The following HS6ST2 variants were observed in gnomAD, a reference collection of about 807,000 sequenced individuals.
HS6ST2 encodes heparan-sulfate 6-O-sulfotransferase 2.
A neutral mutation model predicts 33.0 loss-of-function variants in HS6ST2; 17 were observed. The ratio of observed to expected loss-of-function variants is 0.52; its 90% confidence interval spans 0.35 to 0.77. The LOEUF (loss-of-function observed/expected upper bound fraction) is 0.77, where lower values mean the gene tolerates loss of function less well. Ranked by LOEUF, HS6ST2 falls within the 30% of genes least tolerant of loss-of-function variation. The pLI, the probability that HS6ST2 is intolerant of heterozygous loss-of-function variation, is 0.01. For missense variants in HS6ST2, 519 were observed against 551.7 expected (o/e 0.94, Z 0.59); for synonymous variants, 248 against 237.1 (o/e 1.05, Z -0.42).
intron 4 of HS6ST2, among the ~76,000 whole-genome samples, chrX:132,665,480 T>C (rs1460237425): frequency 7.2e-5 from 8 of 111,697 alleles, no homozygotes. Context: ...ATGTAAAGTA[T>C]GAAAATGTTC....
intron 3 of HS6ST2, among the ~76,000 whole-genome samples, chrX:132,678,922 C>G (rs961944357): frequency 8.9e-6 from 1 of 112,304 alleles, no homozygotes; most frequent in Non-Finnish European, 1.9e-5. Flanking sequence ...TGGTTAAACC[C>G]AAGATGCTTA....
chrX:132,702,302 C>T (rs999726265), intron 3 of HS6ST2, among the ~76,000 whole-genome samples: 5 of 112,472 alleles, frequency 4.4e-5, no homozygotes, highest in South Asian at 7.3e-4. Context: ...TTAATGCTTG[C>T]GTTTTTCTTT....
rs2063823612 is a variant in HS6ST2, at chrX:132,668,102, T to TA, written c.1067+1010_1067+1011insT. On this transcript the variant is annotated intron_variant, in intron 4 of 4. Transcript: ENST00000370833. ...CCAGTAGATCTTTCACTTTGGGAATTGAATATAAGATCATATTCAAAGTGC... is the reference window on the plus strand; with the variant it reads ...CCAGTAGATCTTTCACTTTGGGAATTAGAATATAAGATCATATTCAAAGTGC... 2.7e-5 allele frequency among the ~76,000 whole-genome samples: 3 copies of TA among 112,280 alleles called. No homozygotes were observed. In the South Asian group the frequency reaches 1.1e-3, roughly 42 times the overall value.
At chrX:132,786,822 A>G (rs1479105661) in intron 2 of HS6ST2, among the ~76,000 whole-genome samples, 1 of 108,294 alleles carries the variant, frequency 9.2e-6, no homozygotes, top group East Asian at 2.9e-4. Context: ...AGGTTTCACC[A>G]TGTTGGTCAG....
chrX:132,634,202 C>T (rs1472344037), intron 4 of HS6ST2, among the ~76,000 whole-genome samples: 1 of 112,065 alleles, frequency 8.9e-6, no homozygotes, highest in Admixed American at 9.4e-5. Context: ...TGCCTGGATT[C>T]AGGCATTGAT....
chrX:132,787,658 G>A (rs1347929136), intron 2 of HS6ST2, among the ~76,000 whole-genome samples: 1 of 106,741 alleles, frequency 9.4e-6, no homozygotes, highest in Admixed American at 1.0e-4. Flanking sequence ...GGGAGGCCGA[G>A]GCAGGTGGAT....
chrX:132,628,702 T>C lies in HS6ST2; in HGVS notation c.1459A>G (p.Thr487Ala), dbSNP rs1220366102. 2 of 1,210,953 alleles carry C rather than the reference T, an allele frequency of 1.7e-6. No homozygotes were observed. Among genetic ancestry groups the C allele is most frequent in the African/African-American group, 1.7e-5 (1 of 57,550 alleles). ...QRKTQYLFEK[T>A]FNMNFISPFT... The stretch of plus-strand genomic sequence containing the variant: ...GGCGAAATAAAGTTCATGTTGAAGG[T>C]TTTCTCAAACAGATATTGGGTCTTC... Residue 487 changes from threonine (T) to alanine (A), a missense_variant, in exon 5 of 5, where the codon ACC (threonine) becomes GCC (alanine). Thr to Ala is a moderately conservative substitution (Grantham distance 58). Coordinates refer to ENST00000370833, the MANE Select transcript of HS6ST2 (RefSeq NM_001394073.1).
At chrX:132,959,748 A>G (rs1262666864), upstream of HS6ST2, among the ~76,000 whole-genome samples, 2 of 112,311 alleles carry the variant, frequency 1.8e-5, no homozygotes, top group African/African-American at 6.5e-5. Flanking sequence ...GATAGGACCA[A>G]TTATGTCCCC....
At chrX:132,724,431 T>C (rs1191207504) in intron 2 of HS6ST2, among the ~76,000 whole-genome samples, 1 of 111,217 alleles carries the variant, frequency 9.0e-6, no homozygotes, top group African/African-American at 3.3e-5. Context: ...TAATCAAATA[T>C]CTAGGAATCA....
intron 2 of HS6ST2, among the ~76,000 whole-genome samples, chrX:132,831,816 C>G (rs1238686813): frequency 8.9e-6 from 1 of 112,095 alleles, no homozygotes; most frequent in Non-Finnish European, 1.9e-5. Flanking sequence ...CAAAGTAGAA[C>G]AAGGCAGCTG....
chrX:132,801,765 G>C (rs2065237970), intron 2 of HS6ST2, among the ~76,000 whole-genome samples: 1 of 112,232 alleles, frequency 8.9e-6, no homozygotes, highest in African/African-American at 3.2e-5. Context: ...TTAAATGTGT[G>C]CATCCTCAAA....
intron 2 of HS6ST2, among the ~76,000 whole-genome samples, chrX:132,749,013 T>C (rs778275311): frequency 2.7e-5 from 3 of 111,720 alleles, no homozygotes; most frequent in Non-Finnish European, 3.8e-5. Flanking sequence ...TCCCCAAATA[T>C]GGCAAATGCA....
At chrX:132,855,344 A>G (rs1202886072) in intron 2 of HS6ST2, among the ~76,000 whole-genome samples, 1 of 112,444 alleles carries the variant, frequency 8.9e-6, no homozygotes, top group African/African-American at 3.2e-5. Context: ...CATTATGCCT[A>G]TTTTAAGATA....
intron 2 of HS6ST2, among the ~76,000 whole-genome samples, chrX:132,923,819 G>A (rs899511404): frequency 1.8e-5 from 2 of 110,595 alleles, no homozygotes; most frequent in African/African-American, 3.3e-5. Flanking sequence ...CCACAGGCCC[G>A]CTCCATATGT....
chrX:132,741,640 T>G (rs1327408284), intron 2 of HS6ST2, among the ~76,000 whole-genome samples: 1 of 111,193 alleles, frequency 9.0e-6, no homozygotes, highest in East Asian at 2.8e-4. Context: ...ATTCTTATAG[T>G]TATGCAGTTT....
At chrX:132,822,928 T>C (rs765671148) in intron 2 of HS6ST2, among the ~76,000 whole-genome samples, 9 of 112,377 alleles carry the variant, frequency 8.0e-5, no homozygotes, top group South Asian at 3.7e-4. Context: ...ATTTAGCCAT[T>C]ACTGGGGAGC....
At chrX:132,936,288 A>G (rs2066821768) in intron 2 of HS6ST2, among the ~76,000 whole-genome samples, 2 of 111,953 alleles carry the variant, frequency 1.8e-5, no homozygotes, top group Admixed American at 1.9e-4. Context: ...TCACAAAGAA[A>G]TAAAAAACTC....
intron 2 of HS6ST2, among the ~76,000 whole-genome samples, chrX:132,751,855 C>G (rs1456369053): frequency 5.3e-5 from 6 of 112,402 alleles, no homozygotes; most frequent in Admixed American, 9.4e-5. Context: ...TCCCCTACCC[C>G]AGTCCCAAGC....
chrX:132,703,586 C>G (rs1250901531), intron 3 of HS6ST2, among the ~76,000 whole-genome samples: 3 of 112,300 alleles, frequency 2.7e-5, no homozygotes, highest in Non-Finnish European at 5.6e-5. Flanking sequence ...TCATTTACAA[C>G]TAATTCTCCT....
Sources: gnomAD v4.1 joint callset for allele counts (sites outside exome capture counted in the v4.1 genomes callset) on GRCh38, gnomAD v4.1.1 for gene constraint, MANE v1.5 for transcripts, NCBI Gene and HGNC (gene_info 2026-07-23, HGNC 2026-07-21) for gene names.